Variants in ZNG1E observed in about 807,000 individuals in gnomAD.
The protein encoded by ZNG1E is zinc-regulated GTPase metalloprotein activator 1E.
the ZNG1E span, among the ~76,000 whole-genome samples, chr9:65,673,710 T>G: frequency 1.3e-5 from 2 of 152,284 alleles, no homozygotes; most frequent in Admixed American, 1.3e-4. Context: ...GAGGCTGAGA[T>G]GGGAGGATCA....
At chr9:65,691,362 C>CA in the ZNG1E span, among the ~76,000 whole-genome samples, 6 of 124,976 alleles carry the variant, frequency 4.8e-5, no homozygotes, top group Admixed American at 2.5e-4. Context: ...GGATTACAGG[C>CA]TGAGCCACCA....
the ZNG1E span, among the ~76,000 whole-genome samples, chr9:65,674,378 G>A: frequency 6.6e-6 from 1 of 152,296 alleles, no homozygotes; most frequent in African/African-American, 2.4e-5. Flanking sequence ...TATTTTATGG[G>A]GAATTTCAGA....
chr9:65,714,433 C>T, the ZNG1E span, among the ~76,000 whole-genome samples: 4 of 131,252 alleles, frequency 3.0e-5, no homozygotes, highest in Non-Finnish European at 6.9e-5. Flanking sequence ...AGAGGCGCTG[C>T]GTTCCTTTGG....
chr9:65,665,102 A>AT, the ZNG1E span, among the ~76,000 whole-genome samples: 7 of 152,382 alleles, frequency 4.6e-5, no homozygotes, highest in East Asian at 1.4e-3. Context: ...AGAAAATCCC[A>AT]TTTTCTGAGG....
chr9:65,691,237 C>T, the ZNG1E span, among the ~76,000 whole-genome samples: 3 of 149,406 alleles, frequency 2.0e-5, no homozygotes, highest in Non-Finnish European at 4.5e-5. Flanking sequence ...CGTGCACCAT[C>T]GTACCTGGTT....
chr9:65,658,057 C>A, the ZNG1E span, among the ~76,000 whole-genome samples: 1 of 151,206 alleles, frequency 6.6e-6, no homozygotes. Flanking sequence ...CGAGACCGCA[C>A]CATTGCACTC....
the ZNG1E span, among the ~76,000 whole-genome samples, chr9:65,720,833 T>C: frequency 6.8e-6 from 1 of 146,856 alleles, no homozygotes; most frequent in African/African-American, 2.5e-5. Context: ...TTCATTTTGG[T>C]TCATATTTAT....
At chr9:65,659,218 C>T in the ZNG1E span, among the ~76,000 whole-genome samples, 1 of 152,074 alleles carries the variant, frequency 6.6e-6, no homozygotes, top group Non-Finnish European at 1.5e-5. Context: ...AGAAAAGAGG[C>T]CAGGCATGGT....
At chr9:65,674,643 CAATT>C in the ZNG1E span, among the ~76,000 whole-genome samples, 7 of 152,250 alleles carry the variant, frequency 4.6e-5, no homozygotes, top group Admixed American at 6.5e-5. Flanking sequence ...CTTTTGTACT[CAATT>C]GATTGGTGAA....
chr9:65,672,187 T>G, the ZNG1E span, among the ~76,000 whole-genome samples: 1 of 150,706 alleles, frequency 6.6e-6, no homozygotes, highest in East Asian at 1.9e-4. Flanking sequence ...GTATTTACCT[T>G]GGAGAGTTAA....
At chr9:65,672,183 A>G in the ZNG1E span, among the ~76,000 whole-genome samples, 1,276 of 150,458 alleles carry the variant, frequency 8.5e-3, 1 homozygote, top group African/African-American at 0.029. Flanking sequence ...AATAGTATTT[A>G]CCTTGGAGAG....
At chr9:65,707,909 G>C in the ZNG1E span, 4 of 146,258 alleles carry the variant, frequency 2.7e-5, no homozygotes, top group Non-Finnish European at 6.0e-5. Context: ...TGCCAGGCTG[G>C]AGTGCAGTGG....
the ZNG1E span, among the ~76,000 whole-genome samples, chr9:65,728,538 A>G: frequency 6.7e-6 from 1 of 148,700 alleles, no homozygotes; most frequent in African/African-American, 2.6e-5. Context: ...AACGGGAGAT[A>G]TTACAACTGA....
At chr9:65,703,886 C>T in the ZNG1E span, 1 of 958,300 alleles carries the variant, frequency 1.0e-6, no homozygotes, top group Non-Finnish European at 1.2e-6. Flanking sequence ...TCAGGAGCCG[C>T]TCATCTGCTG....
the ZNG1E span, among the ~76,000 whole-genome samples, chr9:65,668,485 A>ATAATATACATAATTTATATAT: frequency 6.6e-6 from 1 of 150,770 alleles, no homozygotes; most frequent in Non-Finnish European, 1.5e-5. Flanking sequence ...TTTATATATA[A>ATAATATACATAATTTATATAT]ATACTATATA....
chr9:65,728,440 G>A, the ZNG1E span, among the ~76,000 whole-genome samples: 4 of 148,534 alleles, frequency 2.7e-5, no homozygotes, highest in African/African-American at 1.0e-4. Context: ...ACGAAAAGCT[G>A]GTTCTTTGAA....
At chr9:65,686,572 G>A in the ZNG1E span, among the ~76,000 whole-genome samples, 1 of 152,034 alleles carries the variant, frequency 6.6e-6, no homozygotes, top group Non-Finnish European at 1.5e-5. Context: ...GGAGGCGGAG[G>A]TGGCAGTGAG....
At chr9:65,708,987 ATTG>A in the ZNG1E span, 1 of 706,098 alleles carries the variant, frequency 1.4e-6, no homozygotes. Context: ...GGTTACTTTT[ATTG>A]TTATGTACCT....
At chr9:65,661,076 T>A in the ZNG1E span, among the ~76,000 whole-genome samples, 1 of 148,438 alleles carries the variant, frequency 6.7e-6, no homozygotes, top group Non-Finnish European at 1.5e-5. Context: ...GATTTTCTTT[T>A]GAGAGATGCT....
Sources: allele counts gnomAD v4.1 joint callset (sites outside exome capture counted in the v4.1 genomes callset), GRCh38; gene constraint gnomAD v4.1.1; transcripts MANE v1.5; gene names NCBI Gene and HGNC (gene_info 2026-07-23, HGNC 2026-07-21).